Variants in C4BPB observed in about 807,000 individuals in gnomAD.
C4BPB encodes complement component 4 binding protein beta, also known as C4b-binding protein beta chain.
A neutral mutation model predicts 26.6 loss-of-function variants in C4BPB; 19 were observed. The ratio of observed to expected loss-of-function variants is 0.71; its 90% confidence interval spans 0.50 to 1.05. C4BPB has a LOEUF of 1.05. Ranked by LOEUF, C4BPB falls within the 50% of genes least tolerant of loss-of-function variation. C4BPB has a pLI of 0.00. For synonymous variants in C4BPB, 118 were observed against 103.5 expected (o/e 1.14, Z -0.85); for missense variants, 282 against 302.9 (o/e 0.93, Z 0.51).
At chr1:207,096,343 G>A in intron 4 of C4BPB, 179 bp from the exon 5 acceptor site, 1 of 604,782 alleles carries the variant, frequency 1.7e-6, no homozygotes, top group Non-Finnish European at 2.9e-6. Context: ...TAGAAGAGAA[G>A]GAAATGAATG....
At chr1:207,094,226 A>G (rs1046486945) in intron 4 of C4BPB, among the ~76,000 whole-genome samples, 24 of 152,252 alleles carry the variant, frequency 1.6e-4, no homozygotes, top group Admixed American at 1.4e-3. Context: ...CTGCAGTCCC[A>G]GCTACTTGGG....
In C4BPB at chr1:207,098,757, G is replaced by C. The variant is rs961455503; in HGVS notation, c.618+493G>C. On this transcript the variant is annotated intron_variant, in intron 6 of 6. Transcript: ENST00000367078. ...CCCTGAGCTTGTTTTCCTGCAACTA[G>C]AGGGTCCCATCTAGTTAGGAGTGAT... 3.3e-5 allele frequency among the ~76,000 whole-genome samples: 5 copies of C among 152,346 alleles called. No homozygotes were observed. In the South Asian group the frequency reaches 1.0e-3, roughly 32 times the overall value.
At chr1:207,096,133 G>A (rs963238324) in intron 4 of C4BPB, 4 of 236,158 alleles carry the variant, frequency 1.7e-5, no homozygotes, top group Admixed American at 1.0e-4. Context: ...GAGCTCACAC[G>A]CTTCATCTCC....
intron 4 of C4BPB, 30 bp downstream of exon 4, chr1:207,091,850 C>A: frequency 6.4e-7 from 1 of 1,569,118 alleles, no homozygotes; most frequent in Non-Finnish European, 8.7e-7. Context: ...TCAAGGATCC[C>A]CAAAATACTG....
At chr1:207,091,610 G>T in intron 3 of C4BPB, 34 bp from the exon 4 acceptor site, 1 of 1,589,034 alleles carries the variant, frequency 6.3e-7, no homozygotes, top group Non-Finnish European at 8.6e-7. Flanking sequence ...CTTCAGCTTT[G>T]CCCTTTCAGC....
At chr1:207,094,144 G>A (rs1390145532) in intron 4 of C4BPB, among the ~76,000 whole-genome samples, 4 of 152,098 alleles carry the variant, frequency 2.6e-5, no homozygotes, top group African/African-American at 9.7e-5. Flanking sequence ...AGAGTGTAAA[G>A]TGCTATCACT....
chr1:207,099,495 T>C (rs143562282), intron 6 of C4BPB, among the ~76,000 whole-genome samples: 2 of 152,304 alleles, frequency 1.3e-5, no homozygotes, highest in African/African-American at 4.8e-5. Context: ...TGCGTGAGAA[T>C]TGGAAAAGTC....
chr1:207,090,300 T>A lies in C4BPB; in HGVS notation c.59-8T>A, dbSNP rs1324367456. On this transcript the variant is annotated splice_region_variant and splice_polypyrimidine_tract_variant and intron_variant, in intron 2 of 6. Coordinates refer to ENST00000367078, the MANE Select transcript of C4BPB (RefSeq NM_001017365.3). The stretch of plus-strand genomic sequence containing the variant: ...TGCCAAGTGAATCTGTTTTCTTTTT[T>A]CTTCCAGCAGAGCACTGTCCAGAGC... 2.5e-6 allele frequency: 4 copies of A among 1,587,734 alleles called. No homozygotes were observed. The highest frequency in any genetic ancestry group is 1.9e-5 in the Admixed American group (1 of 53,750).
At chr1:207,096,302 G>A (rs1239566045) in intron 4 of C4BPB, 3 of 528,172 alleles carry the variant, frequency 5.7e-6, no homozygotes, top group African/African-American at 2.0e-5. Context: ...ATGGGCTGGG[G>A]GAAAGCTCTT....
At chr1:207,095,268 G>A (rs759937232) in intron 4 of C4BPB, 18 of 456,358 alleles carry the variant, frequency 3.9e-5, no homozygotes, top group Non-Finnish European at 7.5e-5. Flanking sequence ...CTCCTAACAC[G>A]TCATCCTGCT....
At chr1:207,099,123 T>C (rs771615004) in intron 6 of C4BPB, among the ~76,000 whole-genome samples, 82 of 151,840 alleles carry the variant, frequency 5.4e-4, no homozygotes, top group Non-Finnish European at 9.0e-4. Flanking sequence ...CTGGGAGTGA[T>C]GGGAGACAGT....
rs1684338250 is a variant in C4BPB, at chr1:207,098,245, C to T, written c.599C>T (p.Pro200Leu). The change falls in exon 6 of 7, where the codon CCA becomes CTA. Residue 200 changes from proline (P) to leucine (L), a missense_variant. Transcript: ENST00000367078. ...VCKLIQEAPKPECEKALLAFQ... is the reference protein window; with the variant it reads ...VCKLIQEAPKLECEKALLAFQ... ...AAGTTGATCCAGGAAGCTCCCAAACCAGAGTGTGAGAAGGCACTTGTAAGT... is the reference window on the plus strand; with the variant it reads ...AAGTTGATCCAGGAAGCTCCCAAACTAGAGTGTGAGAAGGCACTTGTAAGT... The T allele has an allele frequency of 3.1e-6, 5 of 1,611,874 alleles. No individual in the cohort carries two copies. The highest frequency in any genetic ancestry group is 1.3e-5 in the African/African-American group (1 of 75,018).
intron 2 of C4BPB, 43 bp downstream of exon 2, chr1:207,089,632 T>A (rs1449034110): frequency 6.4e-7 from 1 of 1,568,808 alleles, no homozygotes; most frequent in Non-Finnish European, 8.8e-7. Flanking sequence ...GCATTTGGTG[T>A]CCTTTTGCGG....
At chr1:207,094,639 ATTCT>A (rs1252989381) in intron 4 of C4BPB, among the ~76,000 whole-genome samples, 1 of 152,136 alleles carries the variant, frequency 6.6e-6, no homozygotes, top group Non-Finnish European at 1.5e-5. Flanking sequence ...AATAAACCAG[ATTCT>A]TTCTGTTTAT....
Position 207,098,143 on chromosome 1 carries a change from T to G in C4BPB, c.504-7T>G, listed in dbSNP as rs948836194. On this transcript the variant is annotated splice_polypyrimidine_tract_variant and splice_region_variant and intron_variant, in intron 5 of 6. Transcript: ENST00000367078. The stretch of plus-strand genomic sequence containing the variant: ...AAAAGCTAAGCCTTGTTCTAATTTC[T>G]GTTCAGGTACTACTTAGTGGGCGTG... The G allele has an allele frequency of 3.7e-6, 6 of 1,610,072 alleles. No homozygotes were observed. The Admixed American group carries it at 6.7e-5, about 18-fold the overall frequency.
chr1:207,096,596 A>C lies in C4BPB; in HGVS notation c.484A>C (p.Ser162Arg). 6.3e-7 allele frequency: 1 copy of C among 1,596,290 alleles called. No individual in the cohort carries two copies. The highest frequency in any genetic ancestry group is 1.1e-5 in the South Asian group (1 of 90,060). ...TAACTTCACCTTAGGATCCACCATT[A>C]GTTATTACTGTGAAGACAGGTAAGT... ...GNNFTLGSTI[S>R]YYCEDRYYLV... The change falls in exon 5 of 7, where the codon AGT becomes CGT. Residue 162 changes from serine to arginine, a missense_variant. Ser to Arg is a moderately radical substitution (Grantham distance 110). Transcript: ENST00000367078.
intron 6 of C4BPB, 74 bp from the exon 7 acceptor site, chr1:207,099,715 G>T: frequency 1.5e-6 from 2 of 1,313,042 alleles, no homozygotes; most frequent in South Asian, 3.3e-5. Flanking sequence ...GCTAACTGCT[G>T]CTCACTGGCT....
At chr1:207,095,884 T>C (rs1205120989) in intron 4 of C4BPB, 1 of 180,472 alleles carries the variant, frequency 5.5e-6, no homozygotes, top group African/African-American at 2.4e-5. Context: ...GCACCTGTTA[T>C]GTGAGATGCC....
chr1:207,090,976 GA>G (rs1357733177), intron 3 of C4BPB, among the ~76,000 whole-genome samples: 1 of 152,030 alleles, frequency 6.6e-6, no homozygotes, highest in Non-Finnish European at 1.5e-5. Context: ...TTTGAACTGG[GA>G]ATAGTTTGTA....
Sources: gnomAD v4.1 joint callset for allele counts (sites outside exome capture counted in the v4.1 genomes callset) on GRCh38, gnomAD v4.1.1 for gene constraint, MANE v1.5 for transcripts, NCBI Gene and HGNC (gene_info 2026-07-23, HGNC 2026-07-21) for gene names.